Variants in CBFA2T2 observed in about 807,000 individuals in gnomAD.
CBFA2T2 encodes the protein protein CBFA2T2.
In CBFA2T2, 11 loss-of-function variants were observed where a neutral mutation model predicts 62.2. That is an observed-to-expected ratio of 0.18 (90% confidence interval 0.11 to 0.29). The LOEUF is 0.29. CBFA2T2 is among the 10% of genes least tolerant of loss of function. The pLI is 1.00. For missense variants in CBFA2T2, 592 were observed against 774.1 expected (o/e 0.76, Z 2.79); for synonymous variants, 295 against 287.5 (o/e 1.03, Z -0.27).
intron 1 of CBFA2T2, among the ~76,000 whole-genome samples, chr20:33,531,091 T>C (rs142513902): frequency 4.3e-4 from 66 of 152,066 alleles, no homozygotes; most frequent in Middle Eastern, 3.4e-3. Context: ...TCTAAATAAA[T>C]AAACAAACAA....
chr20:33,514,310 G>A (rs2011564049), intron 1 of CBFA2T2, among the ~76,000 whole-genome samples: 1 of 149,700 alleles, frequency 6.7e-6, no homozygotes, highest in Admixed American at 6.8e-5. Flanking sequence ...CACCTCTTGG[G>A]TTCAAACGAT....
At chr20:33,520,947 C>T (rs556870944) in intron 1 of CBFA2T2, among the ~76,000 whole-genome samples, 2 of 148,498 alleles carry the variant, frequency 1.3e-5, no homozygotes, top group African/African-American at 2.5e-5. Flanking sequence ...ATCACATACA[C>T]ACACACACAC....
At chr20:33,513,520 C>T (rs188867412) in intron 1 of CBFA2T2, among the ~76,000 whole-genome samples, 31 of 151,808 alleles carry the variant, frequency 2.0e-4, no homozygotes, top group African/African-American at 7.5e-4. Flanking sequence ...CACCATCACG[C>T]CCAGCTAATT....
chr20:33,572,356 A>G (rs1162632589), intron 1 of CBFA2T2, among the ~76,000 whole-genome samples: 1 of 152,218 alleles, frequency 6.6e-6, no homozygotes, highest in African/African-American at 2.4e-5. Context: ...GTAGATAGAG[A>G]AAAAGAAAGT....
intron 1 of CBFA2T2, among the ~76,000 whole-genome samples, chr20:33,571,389 G>A (rs1247627703): frequency 6.6e-6 from 1 of 152,146 alleles, no homozygotes; most frequent in Non-Finnish European, 1.5e-5. Context: ...AAAGATAGAT[G>A]TTTCGTTTTC....
chr20:33,547,689 G>A (rs1276421173), intron 1 of CBFA2T2, among the ~76,000 whole-genome samples: 2 of 93,134 alleles, frequency 2.1e-5, no homozygotes, highest in African/African-American at 1.3e-4. Context: ...TCAAAAAAAT[G>A]TGTGTGTGTG....
intron 1 of CBFA2T2, among the ~76,000 whole-genome samples, chr20:33,573,639 G>A (rs1323811829): frequency 1.3e-5 from 2 of 151,936 alleles, no homozygotes; most frequent in Non-Finnish European, 2.9e-5. Context: ...GCACTACCAT[G>A]CCTGGCTAAT....
At chr20:33,569,927 T>C (rs942060300) in intron 1 of CBFA2T2, among the ~76,000 whole-genome samples, 4 of 152,150 alleles carry the variant, frequency 2.6e-5, no homozygotes, top group Admixed American at 2.6e-4. Context: ...GGCCCTATGG[T>C]GTGTGCCTCT....
chr20:33,572,902 C>T (rs1341340950), intron 1 of CBFA2T2, among the ~76,000 whole-genome samples: 4 of 152,154 alleles, frequency 2.6e-5, no homozygotes, highest in South Asian at 2.1e-4. Flanking sequence ...TGGCTGGAAG[C>T]AGCAAGACCA....
At chr20:33,565,836 A>G (rs1349963768) in intron 1 of CBFA2T2, among the ~76,000 whole-genome samples, 1 of 152,218 alleles carries the variant, frequency 6.6e-6, no homozygotes, top group African/African-American at 2.4e-5. Context: ...ACATAATGCA[A>G]TAATGCCAAT....
intron 1 of CBFA2T2, among the ~76,000 whole-genome samples, chr20:33,602,201 C>A (rs1056466109): frequency 3.3e-5 from 5 of 151,994 alleles, no homozygotes; most frequent in African/African-American, 7.3e-5. Flanking sequence ...TTATGGTACC[C>A]TTCATATAAC....
At chr20:33,556,211 C>A (rs1327334792) in intron 1 of CBFA2T2, among the ~76,000 whole-genome samples, 1 of 152,164 alleles carries the variant, frequency 6.6e-6, no homozygotes, top group Non-Finnish European at 1.5e-5. Flanking sequence ...CCTGCCTCCT[C>A]TTCTCCCCTC....
chr20:33,604,024 C>T (rs1387149974), intron 1 of CBFA2T2, among the ~76,000 whole-genome samples: 1 of 152,148 alleles, frequency 6.6e-6, no homozygotes, highest in Admixed American at 6.6e-5. Flanking sequence ...CCATGAAGGG[C>T]ATTCATGCCA....
At chr20:33,641,026 T>C (rs1380248481) in intron 10 of CBFA2T2, among the ~76,000 whole-genome samples, 1 of 152,052 alleles carries the variant, frequency 6.6e-6, no homozygotes, top group African/African-American at 2.4e-5. Context: ...TGCAGGGTCC[T>C]ATAGCACCTA....
At chr20:33,539,607 G>C (rs2012355239) in intron 1 of CBFA2T2, among the ~76,000 whole-genome samples, 1 of 151,988 alleles carries the variant, frequency 6.6e-6, no homozygotes, top group South Asian at 2.1e-4. Context: ...ATAATTGGTT[G>C]ATTGTATAGT....
At chr20:33,514,679 TTTTA>T (rs749151980) in intron 1 of CBFA2T2, among the ~76,000 whole-genome samples, 10 of 151,940 alleles carry the variant, frequency 6.6e-5, no homozygotes, top group Admixed American at 2.0e-4. Context: ...AAGAGATTGC[TTTTA>T]TTTATTTATT....
intron 1 of CBFA2T2, among the ~76,000 whole-genome samples, chr20:33,536,827 G>A (rs1211839226): frequency 1.3e-4 from 19 of 147,774 alleles, no homozygotes; most frequent in South Asian, 2.2e-4. Context: ...GGGAAGAGGC[G>A]CTCCTCACTT....
At chr20:33,527,492 C>T (rs762201090) in intron 1 of CBFA2T2, among the ~76,000 whole-genome samples, 1 of 151,866 alleles carries the variant, frequency 6.6e-6, no homozygotes, top group Non-Finnish European at 1.5e-5. Context: ...CCTGCCTCAG[C>T]CTCCCAAGTA....
intron 10 of CBFA2T2, 42 bp from the exon 11 acceptor site, chr20:33,644,305 C>G: frequency 2.5e-6 from 4 of 1,579,800 alleles, no homozygotes; most frequent in Non-Finnish European, 3.5e-6. Context: ...CAAGCCTGCC[C>G]CTCAATCCCA....
Sources: gnomAD v4.1 joint callset for allele counts (sites outside exome capture counted in the v4.1 genomes callset) on GRCh38, gnomAD v4.1.1 for gene constraint, MANE v1.5 for transcripts, NCBI Gene and HGNC (gene_info 2026-07-23, HGNC 2026-07-21) for gene names.